GLYATL3: variants seen among roughly 807,000 people sequenced by gnomAD.
The protein encoded by GLYATL3 is glycine-N-acyltransferase like 3, also known as glycine N-acyltransferase-like protein 3.
A neutral mutation model predicts 28.5 loss-of-function variants in GLYATL3; 31 were observed. The ratio of observed to expected loss-of-function variants is 1.09; its 90% confidence interval spans 0.82 to 1.47. GLYATL3 has a LOEUF of 1.47. GLYATL3 is among the 40% of genes most tolerant of loss of function. The probability of loss-of-function intolerance (pLI) is 0.00; values close to 1 mark genes in which losing one functional copy is unlikely to be tolerated. For synonymous variants in GLYATL3, 141 were observed against 140.2 expected, an observed-to-expected ratio of 1.01 and a Z score of -0.04; for missense variants, 369 against 351.5, an observed-to-expected ratio of 1.05 and a Z score of -0.40.
chr6:49,524,247 AT>A (rs1228658238), intron 5 of GLYATL3, among the ~76,000 whole-genome samples: 2 of 151,980 alleles, frequency 1.3e-5, no homozygotes, highest in Non-Finnish European at 2.9e-5. Flanking sequence ...AGGCCAGCTA[AT>A]TTTTTCCCCC....
chr6:49,518,897 C>T (rs903003957), intron 4 of GLYATL3, among the ~76,000 whole-genome samples: 1 of 151,718 alleles, frequency 6.6e-6, no homozygotes, highest in Admixed American at 6.6e-5. Flanking sequence ...GCCGAGATCG[C>T]GCCACTGCAC....
chr6:49,522,923 T>C (rs1769341800), intron 5 of GLYATL3, among the ~76,000 whole-genome samples: 1 of 152,124 alleles, frequency 6.6e-6, no homozygotes, highest in Non-Finnish European at 1.5e-5. Flanking sequence ...CTGGATTATT[T>C]TGAAGAAAAT....
rs1554165239 is a variant in GLYATL3 at position 49,515,865 on chromosome 6, A to ACTGT, written c.186+106_186+109dup. 18 of 669,488 alleles carry ACTGT rather than the reference A, an allele frequency of 2.7e-5. No homozygotes were observed. In the Admixed American group the frequency reaches 2.9e-4, roughly 11 times the overall value. 41.5% of individuals were successfully genotyped at this position (669,488 alleles called of 1,614,324 possible). On this transcript the variant is annotated intron_variant, in intron 3 of 5. Transcript: ENST00000371197. ...GTAGCCATTTACATTAGCTTACAACACTGTTTCACCATTCATTTCTTTTCT... is the reference window on the plus strand; with the variant it reads ...GTAGCCATTTACATTAGCTTACAACACTGTCTGTTTCACCATTCATTTCTTTTCT...
chr6:49,526,972 C>A lies in GLYATL3; in HGVS notation c.*58C>A. 1.6e-6 allele frequency: 2 copies of A among 1,279,074 alleles called. No individual in the cohort carries two copies. The highest frequency in any genetic ancestry group is 1.5e-5 in the African/African-American group (1 of 66,662). 79.2% of individuals were successfully genotyped at this position (1,279,074 alleles called of 1,614,324 possible). A position where few individuals can be genotyped will look rare whatever the true frequency, so the allele number is the denominator to read the frequency against. ...TCCCTGAGCATACACACACTCTTGGCTGCCAACGAGGGGAGAGTTAAAATG... is the reference window on the plus strand; with the variant it reads ...TCCCTGAGCATACACACACTCTTGGATGCCAACGAGGGGAGAGTTAAAATG... On this transcript the variant is annotated 3_prime_UTR_variant, in exon 6 of 6. Coordinates refer to ENST00000371197, the MANE Select transcript of GLYATL3 (RefSeq NM_001010904.2).
At chr6:49,500,077 G>A (rs1010819229) in intron 1 of GLYATL3, 35 bp downstream of exon 1, 5 of 152,138 alleles carry the variant, frequency 3.3e-5, no homozygotes, top group African/African-American at 1.2e-4. Context: ...TACATTTCAA[G>A]TCATAGTTTA....
At chr6:49,518,360 G>A (rs1422024243) in intron 4 of GLYATL3, among the ~76,000 whole-genome samples, 2 of 152,216 alleles carry the variant, frequency 1.3e-5, no homozygotes, top group Non-Finnish European at 2.9e-5. Context: ...TGATAGTTTA[G>A]ATGAATAGTT....
chr6:49,518,435 ATGT>A (rs1279203146), intron 4 of GLYATL3, among the ~76,000 whole-genome samples: 1 of 152,126 alleles, frequency 6.6e-6, no homozygotes, highest in Non-Finnish European at 1.5e-5. Context: ...ACAGGCAATA[ATGT>A]TGTTGTTTAT....
chr6:49,512,633 G>A (rs1769145112), intron 2 of GLYATL3, among the ~76,000 whole-genome samples: 1 of 152,150 alleles, frequency 6.6e-6, no homozygotes, highest in South Asian at 2.1e-4. Context: ...ATAAAACTGA[G>A]GTTTAGATCT....
chr6:49,512,293 T>G (rs1769137211), intron 2 of GLYATL3, among the ~76,000 whole-genome samples: 1 of 150,502 alleles, frequency 6.6e-6, no homozygotes, highest in African/African-American at 2.4e-5. Flanking sequence ...TCTTTTTTTT[T>G]TTTTTTTAAC....
chr6:49,504,169 G>A (rs1768966421), intron 1 of GLYATL3, among the ~76,000 whole-genome samples: 1 of 152,122 alleles, frequency 6.6e-6, no homozygotes, highest in African/African-American at 2.4e-5. Context: ...AGTTGTTCAG[G>A]ATGGCTGACT....
intron 2 of GLYATL3, among the ~76,000 whole-genome samples, chr6:49,514,675 A>AT (rs952065488): frequency 7.3e-5 from 11 of 151,712 alleles, no homozygotes; most frequent in South Asian, 2.1e-4. Flanking sequence ...TACAAAAAAA[A>AT]TTTTTTTAAT....
intron 5 of GLYATL3, among the ~76,000 whole-genome samples, chr6:49,525,560 CAAAAAAAAAAAAAAAAAAAAA>C (rs56711143): frequency 1.5e-5 from 1 of 66,592 alleles, no homozygotes; most frequent in African/African-American, 6.5e-5. Flanking sequence ...GCAAGGCTCT[CAAAAAAAAAAAAAAAAAAAAA>C]AAAAAAAAAA....
intron 4 of GLYATL3, among the ~76,000 whole-genome samples, chr6:49,519,460 T>C (rs1769277607): frequency 6.6e-6 from 1 of 152,206 alleles, no homozygotes; most frequent in African/African-American, 2.4e-5. Context: ...TCTGTGGTAA[T>C]AGCTGTAATG....
At chr6:49,507,180 T>A (rs1769025792) in intron 1 of GLYATL3, among the ~76,000 whole-genome samples, 1 of 152,078 alleles carries the variant, frequency 6.6e-6, no homozygotes, top group African/African-American at 2.4e-5. Context: ...GGGGGTCAGC[T>A]ACCCAAGGTA....
intron 3 of GLYATL3, 56 bp from the exon 4 acceptor site, chr6:49,517,374 A>G: frequency 7.0e-7 from 1 of 1,432,360 alleles, no homozygotes; most frequent in Non-Finnish European, 9.3e-7. Context: ...TCTACCTAAG[A>G]TTTGGATTAT....
rs1769435379 is a variant in GLYATL3 at position 49,527,085 on chromosome 6, G to T, written c.*171G>T. ...GAAGCCTTAATTTTTCGTATCTCAG[G>T]TTTCTCCAGTAAATAGCTGTGGGGG... On this transcript the variant is annotated 3_prime_UTR_variant, in exon 6 of 6. Coordinates refer to ENST00000371197, the MANE Select transcript of GLYATL3 (RefSeq NM_001010904.2). 5 of 571,850 alleles carry T rather than the reference G, an allele frequency of 8.7e-6. No homozygotes were observed. Among genetic ancestry groups the T allele is most frequent in the Middle Eastern group, 4.5e-4 (1 of 2,240 alleles). The allele number at this position is 571,850 out of a possible 1,614,324, so 35.4% of individuals were successfully genotyped here. A position where few individuals can be genotyped will look rare whatever the true frequency, so the allele number is the denominator to read the frequency against.
intron 1 of GLYATL3, among the ~76,000 whole-genome samples, chr6:49,508,311 C>T (rs1007912704): frequency 1.3e-5 from 2 of 152,062 alleles, no homozygotes; most frequent in African/African-American, 4.8e-5. Context: ...ACAATAACAA[C>T]AACAACAACA....
At chr6:49,503,428 G>A (rs1768949541) in intron 1 of GLYATL3, among the ~76,000 whole-genome samples, 2 of 152,170 alleles carry the variant, frequency 1.3e-5, no homozygotes, top group Non-Finnish European at 2.9e-5. Context: ...GGCTTTGGAG[G>A]GGCAACCCCT....
At chr6:49,519,017 T>C (rs2501971) in intron 4 of GLYATL3, among the ~76,000 whole-genome samples, 68,616 of 152,020 alleles carry the variant, frequency 0.45, 16,161 homozygotes, top group East Asian at 0.62. Flanking sequence ...CTCTCACCTT[T>C]ACAGATTTGC....
Sources: gnomAD v4.1 joint callset for allele counts (sites outside exome capture counted in the v4.1 genomes callset) on GRCh38, gnomAD v4.1.1 for gene constraint, MANE v1.5 for transcripts, NCBI Gene and HGNC (gene_info 2026-07-23, HGNC 2026-07-21) for gene names.